The following RGS7 variants were observed in gnomAD, a reference collection of about 807,000 sequenced individuals.
RGS7 encodes regulator of G-protein signaling 7.
Under a neutral mutation model 81.1 loss-of-function variants are expected in RGS7, and 27 were observed. The observed-to-expected ratio is 0.33, with a 90% CI of 0.25 to 0.46. RGS7 has a LOEUF of 0.46. Ranked by LOEUF, RGS7 falls within the 20% of genes least tolerant of loss-of-function variation. The pLI is 1.00. For missense variants in RGS7, 396 were observed against 607.4 expected, an observed-to-expected ratio of 0.65 and a Z score of 3.66; for synonymous variants, 208 against 207.7, an observed-to-expected ratio of 1.00 and a Z score of -0.01.
At chr1:241,313,146 G>A (rs571358442) in intron 2 of RGS7, among the ~76,000 whole-genome samples, 5 of 152,310 alleles carry the variant, frequency 3.3e-5, no homozygotes, top group South Asian at 2.1e-4. Context: ...AGCCATCTCC[G>A]TAACATAAAA....
At chr1:241,348,419 T>G (rs1347734235) in intron 2 of RGS7, among the ~76,000 whole-genome samples, 2 of 152,222 alleles carry the variant, frequency 1.3e-5, no homozygotes, top group Non-Finnish European at 2.9e-5. Context: ...GATATCCTGG[T>G]ATAATCCACG....
At chr1:241,082,642 A>C (rs2063200071) in intron 3 of RGS7, among the ~76,000 whole-genome samples, 1 of 152,224 alleles carries the variant, frequency 6.6e-6, no homozygotes, top group African/African-American at 2.4e-5. Context: ...AGTAAGTTCT[A>C]GTATTCAATA....
At chr1:241,273,441 C>CT (rs5782183) in intron 2 of RGS7, among the ~76,000 whole-genome samples, 27 of 151,312 alleles carry the variant, frequency 1.8e-4, no homozygotes, top group African/African-American at 6.3e-4. Context: ...CATCTGTTAG[C>CT]TTTTTTTTTT....
At chr1:241,320,494 C>T (rs1274428147) in intron 2 of RGS7, among the ~76,000 whole-genome samples, 2 of 152,202 alleles carry the variant, frequency 1.3e-5, no homozygotes, top group Non-Finnish European at 2.9e-5. Flanking sequence ...AAATGGTTGA[C>T]CTTTTTGTTT....
chr1:240,921,367 G>GA (rs1434674280), intron 6 of RGS7, among the ~76,000 whole-genome samples: 2 of 151,718 alleles, frequency 1.3e-5, no homozygotes, highest in African/African-American at 4.8e-5. Flanking sequence ...CTAAAATAAG[G>GA]AAAAATGCAA....
intron 3 of RGS7, among the ~76,000 whole-genome samples, chr1:241,038,251 T>A (rs952197390): frequency 3.9e-5 from 6 of 152,194 alleles, no homozygotes; most frequent in Non-Finnish European, 7.3e-5. Context: ...GAGTTAGAAG[T>A]GATTGGAGAT....
At chr1:240,901,982 C>G (rs954535219) in intron 6 of RGS7, among the ~76,000 whole-genome samples, 2 of 152,116 alleles carry the variant, frequency 1.3e-5, no homozygotes, top group Non-Finnish European at 2.9e-5. Context: ...TGTTTTAGTT[C>G]TGACAACCCT....
chr1:241,162,919 C>T (rs1022228347), intron 2 of RGS7, among the ~76,000 whole-genome samples: 4 of 152,158 alleles, frequency 2.6e-5, no homozygotes, highest in African/African-American at 9.7e-5. Flanking sequence ...ATAGCTGTTG[C>T]CATTGTTAAA....
Position 240,800,652 on chromosome 1 carries a change from A to G in RGS7, c.1483T>C (p.Leu495=). The G allele has an allele frequency of 6.5e-7, 1 of 1,543,702 alleles. No individual in the cohort carries two copies. The highest frequency in any genetic ancestry group is 8.8e-7 in the Non-Finnish European group (1 of 1,142,032). Residue 495 remains leucine (L), a synonymous_variant, in exon 18 of 19, where the codon TTA becomes CTA. Transcript: ENST00000440928. ...CAAGATTTTTCTACCTCTTTTCATA[A>G]CAGGTTAGTGCTGGCCCTCAGTGTT... ...TPTLRASTNL[L]
intron 5 of RGS7, among the ~76,000 whole-genome samples, chr1:240,932,876 C>CTTTTTTTTTT (rs36194238): frequency 7.0e-5 from 4 of 57,294 alleles, no homozygotes; most frequent in South Asian, 8.1e-4. Context: ...TGGTATCTTT[C>CTTTTTTTTTT]TTTTTTTTTT....
At chr1:241,046,303 C>CG (rs1553399808) in intron 3 of RGS7, among the ~76,000 whole-genome samples, 1 of 4,818 alleles carries the variant, frequency 2.1e-4, no homozygotes, top group African/African-American at 2.3e-4. Flanking sequence ...TCAGCCCTGA[C>CG]CCCCCCCCCC....
chr1:241,048,967 C>T (rs377699209), intron 3 of RGS7, among the ~76,000 whole-genome samples: 5 of 152,176 alleles, frequency 3.3e-5, no homozygotes, highest in Admixed American at 2.0e-4. Context: ...CTTGCAGCTG[C>T]GGCACTTCAG....
intron 3 of RGS7, among the ~76,000 whole-genome samples, chr1:241,084,963 A>T (rs1441096106): frequency 6.6e-6 from 1 of 152,234 alleles, no homozygotes; most frequent in Non-Finnish European, 1.5e-5. Context: ...ACATTCAGTG[A>T]CCTGATTTAA....
intron 2 of RGS7, among the ~76,000 whole-genome samples, chr1:241,174,908 T>G (rs1347691167): frequency 1.1e-4 from 16 of 139,770 alleles, no homozygotes; most frequent in African/African-American, 3.8e-4. Flanking sequence ...TTTTTTTTTT[T>G]TTTTTTTTTT....
At chr1:241,003,418 G>A (rs1303868651) in intron 3 of RGS7, among the ~76,000 whole-genome samples, 6 of 140,570 alleles carry the variant, frequency 4.3e-5, no homozygotes, top group South Asian at 2.2e-4. Context: ...CCGAGATCGC[G>A]CCACTGCACT....
chr1:241,008,984 G>A (rs2058824886), intron 3 of RGS7, among the ~76,000 whole-genome samples: 1 of 150,586 alleles, frequency 6.6e-6, no homozygotes, highest in Non-Finnish European at 1.5e-5. Context: ...CTATAACCTA[G>A]GCAGCTGTAA....
At chr1:241,195,127 T>G (rs1429789938) in intron 2 of RGS7, among the ~76,000 whole-genome samples, 1 of 152,170 alleles carries the variant, frequency 6.6e-6, no homozygotes, top group Non-Finnish European at 1.5e-5. Flanking sequence ...CAAAATGCCT[T>G]GCAAGTTTTC....
chr1:241,272,045 GT>G (rs1419592586), intron 2 of RGS7, among the ~76,000 whole-genome samples: 1 of 150,658 alleles, frequency 6.6e-6, no homozygotes, highest in Non-Finnish European at 1.5e-5. Flanking sequence ...ACAGGCTGGA[GT>G]GCAGTGGCGC....
At chr1:241,296,243 G>C (rs2148477140) in intron 2 of RGS7, among the ~76,000 whole-genome samples, 1 of 152,210 alleles carries the variant, frequency 6.6e-6, no homozygotes, top group Middle Eastern at 3.4e-3. Context: ...GAAGATACCA[G>C]AGGACCACAC....
Sources: gnomAD v4.1 joint callset for allele counts (sites outside exome capture counted in the v4.1 genomes callset) on GRCh38, gnomAD v4.1.1 for gene constraint, MANE v1.5 for transcripts, NCBI Gene and HGNC (gene_info 2026-07-23, HGNC 2026-07-21) for gene names.